PCDHGB4: variants seen among roughly 807,000 people sequenced by gnomAD.
The protein encoded by PCDHGB4 is protocadherin gamma-B4.
A neutral mutation model predicts 60.5 loss-of-function variants in PCDHGB4; 38 were observed. The ratio of observed to expected loss-of-function variants is 0.63; its 90% CI spans 0.48 to 0.82. The LOEUF (loss-of-function observed/expected upper bound fraction) is 0.82. Among genes scored for constraint, PCDHGB4 ranks in the 40% least tolerant of loss-of-function variants. The pLI, the probability that PCDHGB4 is intolerant of heterozygous loss-of-function variation, is 0.00. For missense variants in PCDHGB4, 1,109 were observed against 1,209.6 expected (o/e 0.92, Z 1.23); for synonymous variants, 456 against 509.7 (o/e 0.89, Z 1.42).
At chr5:141,429,796 A>C (rs2097245618) in intron 1 of PCDHGB4, among the ~76,000 whole-genome samples, 1 of 152,216 alleles carries the variant, frequency 6.6e-6, no homozygotes, top group Non-Finnish European at 1.5e-5. Flanking sequence ...ATTACCAGTA[A>C]TTCTCAGTAA....
At chr5:141,474,130 C>T (rs28684928) in intron 1 of PCDHGB4, among the ~76,000 whole-genome samples, 6 of 152,160 alleles carry the variant, frequency 3.9e-5, no homozygotes. Context: ...TCTCAGAAAA[C>T]TACAGGCCTT....
At chr5:141,409,324 G>C (rs759596277) in intron 1 of PCDHGB4, 1 of 1,614,000 alleles carries the variant, frequency 6.2e-7, no homozygotes, top group East Asian at 2.2e-5. Context: ...CACGGGATCT[G>C]GATTTCGGAG....
chr5:141,413,559 T>A, intron 1 of PCDHGB4: 1 of 1,613,862 alleles, frequency 6.2e-7, no homozygotes. Flanking sequence ...TAGAAGTAAC[T>A]GATATCAATG....
chr5:141,449,075 T>C (rs1452456191), intron 1 of PCDHGB4, among the ~76,000 whole-genome samples: 3 of 152,240 alleles, frequency 2.0e-5, no homozygotes, highest in African/African-American at 7.2e-5. Context: ...AATAGCCCTG[T>C]ACCTACATCA....
At chr5:141,419,939 G>T in intron 1 of PCDHGB4, 1 of 1,614,054 alleles carries the variant, frequency 6.2e-7, no homozygotes. Flanking sequence ...TTACCTGGTG[G>T]TGGCCTTGGC....
rs2099391466 is a variant in PCDHGB4, at chr5:141,476,424, C to T, written c.2398-18383C>T. ...GAGGAGCTGTGTGGGACACTGCCCT[C>T]TTGCACTGTAACTCTGGAGTTGGTA... is the stretch of plus-strand genomic sequence containing the variant. On this transcript the variant is annotated intron_variant, in intron 1 of 3. Coordinates refer to ENST00000519479, the MANE Select transcript of PCDHGB4 (RefSeq NM_003736.4). This position sits in a 1 kb window ranked among gnomAD's most constrained non-coding sequence, Gnocchi z 7.6. 1 of 1,613,978 alleles carries T rather than the reference C, an allele frequency of 6.2e-7. No individual in the cohort carries two copies. The highest frequency in any genetic ancestry group is 1.1e-5 in the South Asian group (1 of 91,076).
chr5:141,420,293 A>T (rs1478341095), intron 1 of PCDHGB4: 1 of 1,485,484 alleles, frequency 6.7e-7, no homozygotes, highest in Admixed American at 2.2e-5. Context: ...TTAAAAATGT[A>T]TTTAATCCTT....
chr5:141,403,945 A>G (rs745421734), intron 1 of PCDHGB4: 48 of 1,613,810 alleles, frequency 3.0e-5, no homozygotes, highest in Non-Finnish European at 3.9e-5. Context: ...AAGGGTGGAC[A>G]AAAGTGCTCA....
chr5:141,404,594 T>C (rs778412256), intron 1 of PCDHGB4: 6 of 1,614,050 alleles, frequency 3.7e-6, no homozygotes, highest in South Asian at 1.1e-5. Flanking sequence ...CAATGTGTCA[T>C]TGAGACTGTT....
rs553860713 is a variant in PCDHGB4, at chr5:141,410,124, G to C, written c.2397+19843G>C. On this transcript the variant is annotated intron_variant, in intron 1 of 3. Coordinates refer to ENST00000519479, the MANE Select transcript of PCDHGB4 (RefSeq NM_003736.4). ...GGCGACAGGGACGCAGCCCGCCAGC[G>C]CCTGCTGGTCGCTGTGCGTGACGGT... is the stretch of plus-strand genomic sequence containing the variant. 1.2e-5 allele frequency: 20 copies of C among 1,612,726 alleles called. No homozygotes were observed. In the South Asian group the frequency reaches 2.2e-4, roughly 18 times the overall value.
chr5:141,414,793 G>A lies in PCDHGB4; in HGVS notation c.2397+24512G>A, dbSNP rs756653393. On this transcript the variant is annotated intron_variant, in intron 1 of 3. Transcript: ENST00000519479. ...GCTACAGATGCAGGTGACAGCCAGCGACAGCGGGGATCCTCCACTCAGCAG... is the reference window on the plus strand; with the variant it reads ...GCTACAGATGCAGGTGACAGCCAGCAACAGCGGGGATCCTCCACTCAGCAG... 2.5e-6 allele frequency: 4 copies of A among 1,614,100 alleles called. No individual in the cohort carries two copies. The African/African-American group carries it at 4.0e-5, about 16-fold the overall frequency.
Position 141,489,564 on chromosome 5 carries a change from G to A in PCDHGB4, c.2398-5243G>A, listed in dbSNP as rs375200685. The A allele has an allele frequency of 1.9e-6, 3 of 1,613,980 alleles. No homozygotes were observed. Among genetic ancestry groups the A allele is most frequent in the Non-Finnish European group, 1.7e-6 (2 of 1,180,020 alleles). On this transcript the variant is annotated intron_variant, in intron 1 of 3. Transcript: ENST00000519479. This position sits in a 1 kb window ranked among gnomAD's most constrained non-coding sequence, Gnocchi z 4.5. Reference sequence around the variant, plus strand: ...CCAGCTGCCTGCTGCCAGTGCAGGTGGTGACTGAACACCCCCTGGAGCTAA... The same window carrying A: ...CCAGCTGCCTGCTGCCAGTGCAGGTAGTGACTGAACACCCCCTGGAGCTAA...
At chr5:141,488,932 A>G (rs2233598) in intron 1 of PCDHGB4, among the ~76,000 whole-genome samples, 31,368 of 152,090 alleles carry the variant, frequency 0.21, 3,372 homozygotes, top group Admixed American at 0.31. Flanking sequence ...GGATTGAGGA[A>G]ACTCCATAAT....
At chr5:141,500,295 G>A (rs911106966) in intron 2 of PCDHGB4, among the ~76,000 whole-genome samples, 2 of 151,282 alleles carry the variant, frequency 1.3e-5, no homozygotes, top group African/African-American at 4.9e-5. Flanking sequence ...TGCAAGCTCC[G>A]CCTCCCAGGT....
In PCDHGB4 at chr5:141,405,117, C is replaced by T. The variant is rs200108286; in HGVS notation, c.2397+14836C>T. On this transcript the variant is annotated intron_variant, in intron 1 of 3. Transcript: ENST00000519479. The stretch of plus-strand genomic sequence containing the variant: ...CTCAGGCTGAGGCACTGGCACTCCT[C>T]GCATCTGCTGCGGGCTACCAGTGAT... The T allele has an allele frequency of 5.6e-5, 90 of 1,613,980 alleles. No individual in the cohort carries two copies. In the East Asian group the frequency reaches 9.6e-4, roughly 17 times the overall value.
intron 2 of PCDHGB4, among the ~76,000 whole-genome samples, chr5:141,505,145 G>A (rs540889707): frequency 1.3e-5 from 2 of 152,288 alleles, no homozygotes; most frequent in East Asian, 3.9e-4. Flanking sequence ...CTGGATGACA[G>A]AGTAAGACCC....
chr5:141,444,589 C>A (rs1198742574), intron 1 of PCDHGB4, among the ~76,000 whole-genome samples: 1 of 152,068 alleles, frequency 6.6e-6, no homozygotes, highest in Non-Finnish European at 1.5e-5. Context: ...TTTCTACTTA[C>A]CTTATTTAAA....
rs956295940 is a variant in PCDHGB4 at position 141,477,700 on chromosome 5, G to T, written c.2398-17107G>T. The T allele has an allele frequency of 1.2e-6, 2 of 1,613,954 alleles. No individual in the cohort carries two copies. Among genetic ancestry groups the T allele is most frequent in the African/African-American group, 2.7e-5 (2 of 74,928 alleles). On this transcript the variant is annotated intron_variant, in intron 1 of 3. Coordinates refer to ENST00000519479, the MANE Select transcript of PCDHGB4 (RefSeq NM_003736.4). This position sits in a 1 kb window ranked among gnomAD's most constrained non-coding sequence, Gnocchi z 4.9. ...CATCCTTAGTGCCCCTAGACTATGAGGATCGGCGGGAATTTGAATTAACAG... is the reference window on the plus strand; with the variant it reads ...CATCCTTAGTGCCCCTAGACTATGATGATCGGCGGGAATTTGAATTAACAG...
Position 141,438,021 on chromosome 5 carries a change from G to T in PCDHGB4, c.2397+47740G>T, listed in dbSNP as rs112167613. ...CTCCCAAATAGCTGAGATTACAGGT[G>T]TGAGCCACCATGCCCGACCACTTTG... On this transcript the variant is annotated intron_variant, in intron 1 of 3. Transcript: ENST00000519479. Among the ~76,000 whole-genome samples the T allele has an allele frequency of 1.6e-3, 250 of 152,256 alleles. 2 individuals are homozygous for T. Among genetic ancestry groups the T allele is most frequent in the African/African-American group, 5.3e-3 (221 of 41,544 alleles).
Sources: gnomAD v4.1 joint callset for allele counts (sites outside exome capture counted in the v4.1 genomes callset) on GRCh38, gnomAD v4.1.1 for gene constraint, Gnocchi (gnomAD v3.1) non-coding constraint, MANE v1.5 for transcripts, NCBI Gene and HGNC (gene_info 2026-07-23, HGNC 2026-07-21) for gene names.